The following ZNF10 variants were observed in gnomAD, a reference collection of about 807,000 sequenced individuals.
The protein encoded by ZNF10 is zinc finger protein 10, also known as zinc finger protein 10 (KOX 1).
A neutral mutation model predicts 12.2 loss-of-function variants in ZNF10; 8 were observed. The ratio of observed to expected loss-of-function variants is 0.66; its 90% CI spans 0.39 to 1.18. The LOEUF is 1.18. ZNF10 is among the 50% of genes most tolerant of loss of function. The pLI is 0.01. For missense variants in ZNF10, 603 were observed against 678.9 expected (o/e 0.89, Z 1.24); for synonymous variants, 229 against 228.2 (o/e 1.00, Z -0.03).
Position 133,144,560 on chromosome 12 carries a change from A to T in ZNF10, c.33+35A>T. On this transcript the variant is annotated intron_variant, in intron 2 of 4. Transcript: ENST00000248211. ...GCTTTCTTCCCAGTTTCCAACTGGG[A>T]ATTCCTTTTTGCTTTAGTTCCTTTG... 4 of 1,607,108 alleles carry T rather than the reference A, an allele frequency of 2.5e-6. No homozygotes were observed. The South Asian group carries it at 3.3e-5, about 13-fold the overall frequency.
intron 4 of ZNF10, among the ~76,000 whole-genome samples, chr12:133,154,483 C>G (rs1469240432): frequency 7.2e-5 from 11 of 152,162 alleles, no homozygotes; most frequent in Admixed American, 5.2e-4. Context: ...GTGCCAGAGA[C>G]TGTAATAGGC....
In ZNF10 at chr12:133,136,300, C is replaced by T. The variant is rs574026290; in HGVS notation, c.-60+5546C>T. ...CTACCTGCCCTTTCTCTTCCTTCTC[C>T]ACTTCCAAACTTTTCATTCCTATTG... On this transcript the variant is annotated intron_variant, in intron 1 of 4. Transcript: ENST00000248211. Among the ~76,000 whole-genome samples, 11 of 152,268 alleles carry T rather than the reference C, an allele frequency of 7.2e-5. No homozygotes were observed. In the South Asian group the frequency reaches 2.3e-3, roughly 32 times the overall value.
chr12:133,131,165 C>G (rs904354883), intron 1 of ZNF10, among the ~76,000 whole-genome samples: 3 of 152,078 alleles, frequency 2.0e-5, no homozygotes, highest in African/African-American at 7.2e-5. Flanking sequence ...CGTGTGTGGT[C>G]TTTTAAAAAC....
intron 2 of ZNF10, among the ~76,000 whole-genome samples, chr12:133,149,266 A>G (rs1306661144): frequency 6.7e-6 from 1 of 148,346 alleles, no homozygotes; most frequent in Non-Finnish European, 1.5e-5. Context: ...GCTAATTTTT[A>G]AATTTTTTGT....
chr12:133,156,468 A>G lies in ZNF10; in HGVS notation c.1222A>G (p.Asn408Asp). 6.2e-7 allele frequency: 1 copy of G among 1,613,838 alleles called. No homozygotes were observed. The highest frequency in any genetic ancestry group is 8.5e-7 in the Non-Finnish European group (1 of 1,179,860). ...TGTGAGAGTGAGGCCCTATGAATGC[A>G]ATGAATGTGGAAAGTCTTACAGCCA... ...THVRVRPYEC[N>D]ECGKSYSQRS... Residue 408 changes from asparagine (N) to aspartate (D), a missense_variant, in exon 5 of 5, where the codon AAT (asparagine) becomes GAT (aspartate). Physicochemically the swap from Asn to Asp is conservative, Grantham distance 23. Around this residue, in one of 3 missense-constraint regions of ZNF10, gnomAD observed 204 missense variants for 262.8 expected, o/e 0.78. Transcript: ENST00000248211.
chr12:133,141,054 G>C (rs138839682), intron 1 of ZNF10, among the ~76,000 whole-genome samples: 1 of 152,260 alleles, frequency 6.6e-6, no homozygotes, highest in East Asian at 1.9e-4. Flanking sequence ...ATTCCCACCA[G>C]CCAGACTGGA....
chr12:133,150,788 T>C (rs1449645460), intron 2 of ZNF10, among the ~76,000 whole-genome samples: 1 of 152,228 alleles, frequency 6.6e-6, no homozygotes, highest in Non-Finnish European at 1.5e-5. Context: ...AAAATGCTTA[T>C]GACAGTTTTC....
At chr12:133,141,712 A>G (rs1428291399) in intron 1 of ZNF10, among the ~76,000 whole-genome samples, 1 of 152,176 alleles carries the variant, frequency 6.6e-6, no homozygotes, top group African/African-American at 2.4e-5. Context: ...AGCATCAGGT[A>G]GCCTACCGTA....
In ZNF10 at chr12:133,158,868, C is replaced by T. The variant is rs1263788658; in HGVS notation, c.*1900C>T. Reference sequence around the variant, plus strand: ...AGATCAAGTGAATTGGCCCCGGTCTCACATTTTCAGTGAAGTCAGACTCAG... The same window carrying T: ...AGATCAAGTGAATTGGCCCCGGTCTTACATTTTCAGTGAAGTCAGACTCAG... On this transcript the variant is annotated 3_prime_UTR_variant, in exon 5 of 5. Coordinates refer to ENST00000248211, the MANE Select transcript of ZNF10 (RefSeq NM_015394.5). 1 of 152,274 alleles carries T rather than the reference C, an allele frequency of 6.6e-6. No individual in the cohort carries two copies. Among genetic ancestry groups the T allele is most frequent in the Non-Finnish European group, 1.5e-5 (1 of 68,082 alleles). The allele number at this position is 152,274 out of a possible 1,614,324, so 9.4% of individuals were successfully genotyped here.
At chr12:133,144,147 G>C (rs1055185873) in intron 1 of ZNF10, 1 of 173,528 alleles carries the variant, frequency 5.8e-6, no homozygotes, top group South Asian at 1.8e-4. Context: ...ATTTTTTTCC[G>C]CAAAAAAAAA....
chr12:133,155,426 C>T, intron 4 of ZNF10, 77 bp from the exon 5 acceptor site: 1 of 1,437,418 alleles, frequency 7.0e-7, no homozygotes, highest in Non-Finnish European at 9.3e-7. Context: ...ATCTTGCATA[C>T]TTTGTCTCCA....
At chr12:133,147,709 G>A (rs768734963) in intron 2 of ZNF10, among the ~76,000 whole-genome samples, 46 of 146,778 alleles carry the variant, frequency 3.1e-4, no homozygotes, top group Admixed American at 9.0e-4. Flanking sequence ...GCCTTCTCCC[G>A]GATTCAAGCA....
intron 2 of ZNF10, among the ~76,000 whole-genome samples, chr12:133,148,130 A>T (rs947352727): frequency 6.6e-6 from 1 of 151,342 alleles, no homozygotes; most frequent in Admixed American, 6.6e-5. Context: ...GTTCTTTTTT[A>T]TTTTTTTGGA....
chr12:133,140,919 A>G (rs1955941023), intron 1 of ZNF10, among the ~76,000 whole-genome samples: 2 of 147,530 alleles, frequency 1.4e-5, no homozygotes, highest in South Asian at 2.2e-4. Context: ...TTCTCCCTCA[A>G]GTATTCAGCA....
intron 1 of ZNF10, among the ~76,000 whole-genome samples, chr12:133,139,813 A>G (rs977008486): frequency 5.3e-5 from 8 of 152,124 alleles, no homozygotes; most frequent in African/African-American, 2.4e-5. Flanking sequence ...GAGGCCCAGC[A>G]CTTTAGGAGG....
chr12:133,155,912 C>T lies in ZNF10; in HGVS notation c.666C>T (p.Asn222=), dbSNP rs376957183. ...SNECGQTFCQ[N]IHLIQFARTH... Reference sequence around the variant, plus strand: ...AATGTGGTCAAACTTTCTGTCAAAACATTCACCTTATTCAGTTTGCAAGAA... The same window carrying T: ...AATGTGGTCAAACTTTCTGTCAAAATATTCACCTTATTCAGTTTGCAAGAA... Residue 222 remains asparagine, a synonymous_variant, in exon 5 of 5, where the codon AAC becomes AAT. Coordinates refer to ENST00000248211, the MANE Select transcript of ZNF10 (RefSeq NM_015394.5). The T allele has an allele frequency of 2.4e-5, 38 of 1,613,824 alleles. No homozygotes were observed. Among genetic ancestry groups the T allele is most frequent in the Non-Finnish European group, 3.0e-5 (35 of 1,179,924 alleles).
intron 4 of ZNF10, 26 bp downstream of exon 4, chr12:133,151,930 A>C: frequency 1.3e-6 from 2 of 1,597,376 alleles, no homozygotes; most frequent in Non-Finnish European, 1.7e-6. Context: ...GAGTTGTCAT[A>C]GGCAGCAGCC....
intron 2 of ZNF10, among the ~76,000 whole-genome samples, chr12:133,149,437 A>G (rs1024988955): frequency 7.1e-6 from 1 of 141,776 alleles, no homozygotes; most frequent in African/African-American, 2.7e-5. Flanking sequence ...AGCCCACTGT[A>G]ACATCTGGCT....
intron 2 of ZNF10, among the ~76,000 whole-genome samples, chr12:133,149,376 T>TA (rs1483418873): frequency 1.6e-4 from 23 of 143,872 alleles, no homozygotes; most frequent in Non-Finnish European, 2.5e-4. Flanking sequence ...TTTTTTTTTT[T>TA]AGACAGGTTC....
Sources: allele counts gnomAD v4.1 joint callset (sites outside exome capture counted in the v4.1 genomes callset), GRCh38; gene constraint gnomAD v4.1.1; regional missense constraint gnomAD v4.1.1; transcripts MANE v1.5; gene names NCBI Gene and HGNC (gene_info 2026-07-23, HGNC 2026-07-21).